Variants in JAZF1 observed in about 807,000 individuals in gnomAD.
JAZF1 encodes the protein JAZF zinc finger 1.
In JAZF1, 8 loss-of-function variants were observed where a neutral mutation model predicts 26.4. The observed-to-expected ratio is 0.30, with a 90% CI of 0.18 to 0.55. The LOEUF (loss-of-function observed/expected upper bound fraction) is 0.55, where lower values mean the gene tolerates loss of function less well. JAZF1 is among the 20% of genes least tolerant of loss of function. The probability of loss-of-function intolerance (pLI) is 0.94; values close to 1 mark genes in which losing one functional copy is unlikely to be tolerated. For synonymous variants in JAZF1, 126 were observed against 122.3 expected, an observed-to-expected ratio of 1.03 and a Z score of -0.20; for missense variants, 199 against 322.0, an observed-to-expected ratio of 0.62 and a Z score of 2.92.
Position 27,830,933 on chromosome 7 carries a change from A to G in JAZF1, c.*1867T>C, listed in dbSNP as rs1331009206. The G allele has an allele frequency of 4.6e-6, 1 of 217,920 alleles. No individual in the cohort carries two copies. Among genetic ancestry groups the G allele is most frequent in the Non-Finnish European group, 9.2e-6 (1 of 108,170 alleles). The allele number at this position is 217,920 out of a possible 1,614,324, so 13.5% of individuals were successfully genotyped here. A position where few individuals can be genotyped will look rare whatever the true frequency, so the allele number is the denominator to read the frequency against. ...TTTATGACTGTTTAGCTGTTGAACT[A>G]CTGATCCAGCCTGCAGTTTCTTGCA... On this transcript the variant is annotated 3_prime_UTR_variant, in exon 5 of 5. Transcript: ENST00000283928.
At chr7:27,846,850 G>A (rs1783040377) in intron 3 of JAZF1, among the ~76,000 whole-genome samples, 3 of 152,146 alleles carry the variant, frequency 2.0e-5, no homozygotes, top group South Asian at 2.1e-4. Flanking sequence ...AATTTTGGCT[G>A]TTAACCCCTT....
At chr7:28,157,087 C>T (rs915910649) in intron 1 of JAZF1, among the ~76,000 whole-genome samples, 4 of 152,232 alleles carry the variant, frequency 2.6e-5, no homozygotes, top group Non-Finnish European at 5.9e-5. Context: ...TGGTGGTCTG[C>T]TCAATGTAAC....
intron 1 of JAZF1, among the ~76,000 whole-genome samples, chr7:28,129,181 C>T (rs1033224719): frequency 6.6e-6 from 1 of 152,076 alleles, no homozygotes; most frequent in South Asian, 2.1e-4. Context: ...ACTCCCTCTA[C>T]CTCTCATATT....
In JAZF1 at chr7:27,922,589, T is replaced by C. The variant is rs10244286; in HGVS notation, c.189-27173A>G. Among the ~76,000 whole-genome samples, 776 of 152,244 alleles carry C rather than the reference T, an allele frequency of 5.1e-3. 8 individuals are homozygous for C. The highest frequency in any genetic ancestry group is 0.018 in the African/African-American group (746 of 41,558). Reference sequence around the variant, plus strand: ...AAAGTCAGCAAAATAACCAAATAACTTAAAGTCAGCAAAATAACTTTTAAT... The same window carrying C: ...AAAGTCAGCAAAATAACCAAATAACCTAAAGTCAGCAAAATAACTTTTAAT... On this transcript the variant is annotated intron_variant, in intron 2 of 4. Transcript: ENST00000283928.
At chr7:28,065,812 A>G (rs1218085875) in intron 1 of JAZF1, among the ~76,000 whole-genome samples, 1 of 152,112 alleles carries the variant, frequency 6.6e-6, no homozygotes, top group Non-Finnish European at 1.5e-5. Context: ...TAAAACTACA[A>G]CACGTTTTAT....
At chr7:27,955,818 C>G (rs1266326594) in intron 2 of JAZF1, among the ~76,000 whole-genome samples, 1 of 152,082 alleles carries the variant, frequency 6.6e-6, no homozygotes, top group Non-Finnish European at 1.5e-5. Flanking sequence ...GGAGGAGTGC[C>G]AAAGCTCAAC....
At chr7:28,013,046 T>C (rs981694176) in intron 1 of JAZF1, among the ~76,000 whole-genome samples, 2 of 152,188 alleles carry the variant, frequency 1.3e-5, no homozygotes, top group African/African-American at 4.8e-5. Flanking sequence ...TCTCTCCCAC[T>C]AGCTCCATGT....
chr7:28,134,857 T>C (rs773800737), intron 1 of JAZF1, among the ~76,000 whole-genome samples: 1 of 152,228 alleles, frequency 6.6e-6, no homozygotes, highest in Non-Finnish European at 1.5e-5. Context: ...TATACACATA[T>C]TCTCTCGCTT....
chr7:27,984,204 C>G (rs1785648670), intron 2 of JAZF1, among the ~76,000 whole-genome samples: 4 of 152,056 alleles, frequency 2.6e-5, no homozygotes, highest in African/African-American at 9.7e-5. Context: ...TTCAGGAGAC[C>G]CATCTCATGT....
At chr7:27,964,823 A>G (rs1785247751) in intron 2 of JAZF1, among the ~76,000 whole-genome samples, 1 of 152,056 alleles carries the variant, frequency 6.6e-6, no homozygotes, top group South Asian at 2.1e-4. Context: ...TTAGTCCTTA[A>G]AATATTGGCT....
intron 1 of JAZF1, among the ~76,000 whole-genome samples, chr7:28,006,337 C>G (rs953692635): frequency 6.6e-6 from 1 of 152,000 alleles, no homozygotes; most frequent in African/African-American, 2.4e-5. Context: ...CCACTGCACT[C>G]CAGCCTGGGC....
At chr7:27,886,402 GCTCA>G (rs1783864982) in intron 3 of JAZF1, among the ~76,000 whole-genome samples, 2 of 152,152 alleles carry the variant, frequency 1.3e-5, no homozygotes, top group Non-Finnish European at 2.9e-5. Flanking sequence ...ATCCAGGTCT[GCTCA>G]CTAATTCCCT....
chr7:28,155,268 T>C (rs1783164976), intron 1 of JAZF1, among the ~76,000 whole-genome samples: 1 of 152,238 alleles, frequency 6.6e-6, no homozygotes, highest in Admixed American at 6.5e-5. Flanking sequence ...TGGGCAGTTG[T>C]GCAGAATATG....
chr7:27,911,298 T>G (rs1170862706), intron 2 of JAZF1, among the ~76,000 whole-genome samples: 1 of 152,212 alleles, frequency 6.6e-6, no homozygotes, highest in Non-Finnish European at 1.5e-5. Flanking sequence ...TTTTAGTATG[T>G]GATATGCTAC....
chr7:28,131,526 C>CT (rs1245903567), intron 1 of JAZF1, among the ~76,000 whole-genome samples: 2 of 152,146 alleles, frequency 1.3e-5, no homozygotes, highest in African/African-American at 4.8e-5. Context: ...GGTATTATCT[C>CT]TTTTTCCTAT....
intron 1 of JAZF1, among the ~76,000 whole-genome samples, chr7:28,012,683 G>A (rs1782817578): frequency 6.6e-6 from 1 of 152,168 alleles, no homozygotes; most frequent in Non-Finnish European, 1.5e-5. Flanking sequence ...AGGTCAAAGG[G>A]TATGTCAGCC....
intron 2 of JAZF1, among the ~76,000 whole-genome samples, chr7:27,926,357 G>A (rs965056002): frequency 3.3e-5 from 5 of 152,186 alleles, no homozygotes; most frequent in African/African-American, 1.2e-4. Context: ...CAGCAACACT[G>A]TACAAGGGAG....
chr7:28,096,243 G>A (rs1583558001), intron 1 of JAZF1, among the ~76,000 whole-genome samples: 2 of 152,340 alleles, frequency 1.3e-5, no homozygotes, highest in South Asian at 4.1e-4. Flanking sequence ...AGGGCCAGTG[G>A]TTAGGGTTGT....
intron 1 of JAZF1, among the ~76,000 whole-genome samples, chr7:28,142,863 C>G (rs572678562): frequency 6.6e-6 from 1 of 152,200 alleles, no homozygotes; most frequent in African/African-American, 2.4e-5. Flanking sequence ...ACAGTGACAA[C>G]GTGCACAACC....
Sources: allele counts gnomAD v4.1 joint callset (sites outside exome capture counted in the v4.1 genomes callset), GRCh38; gene constraint gnomAD v4.1.1; transcripts MANE v1.5; gene names NCBI Gene and HGNC (gene_info 2026-07-23, HGNC 2026-07-21).